Variants in ALDH1L1 observed in about 807,000 individuals in gnomAD.
The protein encoded by ALDH1L1 is cytosolic 10-formyltetrahydrofolate dehydrogenase.
ALDH1L1 carries 68 observed loss-of-function variants against 101.1 expected under a neutral mutation model. The observed-to-expected ratio is 0.67, with a 90% confidence interval of 0.55 to 0.82. ALDH1L1 has a LOEUF of 0.82. ALDH1L1 is among the 40% of genes least tolerant of loss of function. The pLI is 0.00. For missense variants in ALDH1L1, 1,087 were observed against 1,172.7 expected, an observed-to-expected ratio of 0.93 and a Z score of 1.07; for synonymous variants, 486 against 470.8, an observed-to-expected ratio of 1.03 and a Z score of -0.42.
chr3:126,154,440 G>A (rs1307089961), intron 6 of ALDH1L1, 114 bp downstream of exon 6: 5 of 1,094,104 alleles, frequency 4.6e-6, no homozygotes, highest in Non-Finnish European at 6.8e-6. Context: ...GTGGGAGTAG[G>A]GGCCAGGGCA....
upstream of ALDH1L1, chr3:126,181,182 G>T (rs2081470430): frequency 7.9e-6 from 5 of 635,748 alleles, no homozygotes; most frequent in Admixed American, 1.1e-4. Context: ...TCCTGGTGCC[G>T]CAGACCCCTC....
chr3:126,149,883 G>A (rs576745244), intron 8 of ALDH1L1, among the ~76,000 whole-genome samples: 2 of 152,334 alleles, frequency 1.3e-5, no homozygotes, highest in East Asian at 1.9e-4. Flanking sequence ...AGCATGAAGG[G>A]TCAGGAACAA....
At chr3:126,131,231 C>T (rs1485007267) in intron 13 of ALDH1L1, among the ~76,000 whole-genome samples, 153 bp downstream of exon 13, 1 of 152,242 alleles carries the variant, frequency 6.6e-6, no homozygotes, top group African/African-American at 2.4e-5. Flanking sequence ...TTCCCACCTG[C>T]AGGACCACAA....
chr3:126,125,584 G>T, intron 15 of ALDH1L1, 32 bp downstream of exon 15: 1 of 1,450,480 alleles, frequency 6.9e-7, no homozygotes, highest in Non-Finnish European at 9.2e-7. Context: ...TCTGTGGCCT[G>T]CAGGCCCTGT....
chr3:126,187,721 T>C (rs886696782), intron 1 of ALDH1L1, among the ~76,000 whole-genome samples: 1 of 152,158 alleles, frequency 6.6e-6, no homozygotes, highest in Non-Finnish European at 1.5e-5. Context: ...CTGCAGATTC[T>C]GAGCTGGACG....
intron 12 of ALDH1L1, among the ~76,000 whole-genome samples, chr3:126,131,884 C>A (rs2080316466): frequency 6.6e-6 from 1 of 152,270 alleles, no homozygotes; most frequent in African/African-American, 2.4e-5. Flanking sequence ...CAAGAGGCTG[C>A]CCTTCCTGTC....
chr3:126,172,158 A>G lies in ALDH1L1; in HGVS notation c.-24+8318T>C, dbSNP rs2081290775. On this transcript the variant is annotated intron_variant, in intron 1 of 22. Coordinates refer to ENST00000393434, the MANE Select transcript of ALDH1L1 (RefSeq NM_012190.4). ...TACCTCAGTACCTTTTACCCAATAC[A>G]TTATATCTGATTTTCTGCAAAACAA... is the stretch of plus-strand genomic sequence containing the variant. 2.6e-5 allele frequency among the ~76,000 whole-genome samples: 4 copies of G among 152,360 alleles called. No individual in the cohort carries two copies. In the South Asian group the frequency reaches 8.3e-4, roughly 32 times the overall value.
intron 1 of ALDH1L1, among the ~76,000 whole-genome samples, chr3:126,178,717 A>C (rs1217726319): frequency 1.3e-5 from 2 of 151,996 alleles, no homozygotes; most frequent in African/African-American, 2.4e-5. Context: ...AACAAGTAAC[A>C]AACCACGATA....
rs753643469 is a variant in ALDH1L1 at position 126,110,096 on chromosome 3, C to T, written c.2195G>A (p.Arg732Gln). The T allele has an allele frequency of 3.8e-5, 62 of 1,614,156 alleles. No homozygotes were observed. The South Asian group carries it at 6.3e-4, about 16-fold the overall frequency. ...CAGCGGGTTGCCCACCTTCATCTTC[C>T]GCACCTCTTCTACCTGCAGAAAGTC... ...EFVRRVVEEV[R>Q]KMKVGNPLDR... is the part of the protein sequence containing the mutation. The change falls in exon 20 of 23, where the codon CGG becomes CAG. Residue 732 changes from arginine (R) to glutamine (Q), a missense_variant. Arg to Gln is a conservative substitution (Grantham distance 43, BLOSUM62 1). This residue lies in a region of ALDH1L1 where 442 missense variants were observed against 535.7 expected (regional missense o/e 0.83). Transcript: ENST00000393434.
At chr3:126,130,103 G>A (rs565824337) in intron 14 of ALDH1L1, 120 bp downstream of exon 14, 2 of 903,902 alleles carry the variant, frequency 2.2e-6, no homozygotes, top group Non-Finnish European at 3.1e-6. Context: ...AGAAGCACAT[G>A]GATGGCTGTT....
intron 17 of ALDH1L1, chr3:126,115,614 C>A (rs1015206925): frequency 3.3e-5 from 5 of 152,114 alleles, no homozygotes; most frequent in African/African-American, 1.2e-4. Flanking sequence ...TCACTCTTGT[C>A]ACCCCGGCTG....
At position 126,180,551 on chromosome 3, in the gene ALDH1L1, G is replaced by A; in HGVS notation, c.-99C>T. ...CCGCAGCCCCGAAACTGAGGTTGGT[G>A]CAGACCCGTCCTGGGAGCCAGGAGG... is the stretch of plus-strand genomic sequence containing the variant. On this transcript the variant is annotated 5_prime_UTR_variant, in exon 1 of 23. Coordinates refer to ENST00000393434, the MANE Select transcript of ALDH1L1 (RefSeq NM_012190.4). 1 of 1,100,166 alleles carries A rather than the reference G, an allele frequency of 9.1e-7. No individual in the cohort carries two copies. 68.2% of individuals were successfully genotyped at this position (1,100,166 alleles called of 1,614,324 possible).
chr3:126,183,129 A>G (rs2081490392), upstream of ALDH1L1, among the ~76,000 whole-genome samples: 1 of 152,186 alleles, frequency 6.6e-6, no homozygotes, highest in Non-Finnish European at 1.5e-5. Context: ...AAAATCTTCA[A>G]AGAGAACAAA....
chr3:126,116,440 G>A (rs1246425692), intron 17 of ALDH1L1, among the ~76,000 whole-genome samples: 1 of 151,910 alleles, frequency 6.6e-6, no homozygotes, highest in African/African-American at 2.4e-5. Flanking sequence ...TGGTTACCAT[G>A]GTGAGGCAGA....
At chr3:126,109,227 G>T (rs1945991773) in intron 20 of ALDH1L1, among the ~76,000 whole-genome samples, 1 of 152,218 alleles carries the variant, frequency 6.6e-6, no homozygotes, top group Admixed American at 6.5e-5. Flanking sequence ...GGGTGAGGAA[G>T]ACAGTCATGG....
intron 1 of ALDH1L1, among the ~76,000 whole-genome samples, chr3:126,163,206 T>C (rs528279942): frequency 6.6e-6 from 1 of 152,324 alleles, no homozygotes; most frequent in African/African-American, 2.4e-5. Context: ...TTTGGAGCAA[T>C]GTTTATTCGA....
intron 20 of ALDH1L1, among the ~76,000 whole-genome samples, chr3:126,109,495 G>A (rs900783638): frequency 6.6e-6 from 1 of 152,182 alleles, no homozygotes; most frequent in Admixed American, 6.5e-5. Context: ...TAGGGTCTGA[G>A]CTGCTGCAGG....
In ALDH1L1 at chr3:126,114,649, T is replaced by C. The variant is rs749534619; in HGVS notation, c.1990A>G (p.Ile664Val). 17 of 1,524,778 alleles carry C rather than the reference T, an allele frequency of 1.1e-5. No homozygotes were observed. The East Asian group carries it at 1.1e-4, about 10-fold the overall frequency. 94.5% of individuals were successfully genotyped at this position (1,524,778 alleles called of 1,614,324 possible). Residue 664 changes from isoleucine to valine, a missense_variant, in exon 18 of 23, where the codon ATA becomes GTA. This residue lies in a region of ALDH1L1 where 442 missense variants were observed against 535.7 expected (regional missense o/e 0.83). Transcript: ENST00000393434. ...AGGGACACCTTCTTCACGTTACTTA[T>C]GGCACAGCTGCAAGGAACAGAGGGC... ...VGKHIMKSCA[I>V]SNVKKVSLEL...
chr3:126,157,612 C>G (rs1396956167), intron 3 of ALDH1L1, 104 bp from the exon 4 acceptor site: 15 of 1,333,938 alleles, frequency 1.1e-5, no homozygotes, highest in African/African-American at 1.5e-5. Flanking sequence ...GCCCTCTCTT[C>G]CCAGGGGTAG....
Sources: gnomAD v4.1 joint callset for allele counts (sites outside exome capture counted in the v4.1 genomes callset) on GRCh38, gnomAD v4.1.1 for gene constraint, gnomAD v4.1.1 regional missense constraint, MANE v1.5 for transcripts, NCBI Gene and HGNC (gene_info 2026-07-23, HGNC 2026-07-21) for gene names.